ZFYVE28: variants seen among roughly 807,000 people sequenced by gnomAD.
The protein encoded by ZFYVE28 is lateral signaling target protein 2 homolog.
Under a neutral mutation model 82.1 loss-of-function variants are expected in ZFYVE28, and 40 were observed. The observed-to-expected ratio is 0.49, with a 90% CI of 0.38 to 0.63. The LOEUF is 0.63. Ranked by LOEUF, ZFYVE28 falls within the 30% of genes least tolerant of loss-of-function variation. The pLI, the probability that ZFYVE28 is intolerant of heterozygous loss-of-function variation, is 0.00. For synonymous variants in ZFYVE28, 612 were observed against 546.1 expected (o/e 1.12, Z -1.68); for missense variants, 1,321 against 1,242.1 (o/e 1.06, Z -0.96).
At chr4:2,271,258 C>A (rs1455912098) in intron 12 of ZFYVE28, 53 bp downstream of exon 12, 9 of 1,558,090 alleles carry the variant, frequency 5.8e-6, no homozygotes, top group Non-Finnish European at 7.0e-6. Context: ...CAGGCTCTGT[C>A]CGTGGACGCC....
intron 1 of ZFYVE28, among the ~76,000 whole-genome samples, chr4:2,392,776 G>A (rs1274250517): frequency 6.6e-6 from 1 of 152,096 alleles, no homozygotes; most frequent in Admixed American, 6.5e-5. Context: ...TCATTCTTCT[G>A]TCAAACTCCC....
At chr4:2,304,146 A>T (rs878906014) in intron 8 of ZFYVE28, 143 bp downstream of exon 8, 1 of 1,077,770 alleles carries the variant, frequency 9.3e-7, no homozygotes, top group South Asian at 1.8e-5. Flanking sequence ...TCACACACAG[A>T]CCCCACACTC....
At chr4:2,301,124 C>G (rs1315532883) in intron 8 of ZFYVE28, among the ~76,000 whole-genome samples, 2 of 147,122 alleles carry the variant, frequency 1.4e-5, no homozygotes, top group African/African-American at 2.6e-5. Context: ...TTTAAAAACC[C>G]CCACTGCGCT....
intron 1 of ZFYVE28, among the ~76,000 whole-genome samples, chr4:2,376,108 C>T (rs896162184): frequency 4.5e-4 from 68 of 151,810 alleles, no homozygotes; most frequent in Middle Eastern, 6.8e-3. Flanking sequence ...CTCTTGACTT[C>T]GTGATCCGCC....
At position 2,341,876 on chromosome 4, in the gene ZFYVE28, C is replaced by G. The variant is rs371368497; in HGVS notation, c.181-261G>C. The stretch of plus-strand genomic sequence containing the variant: ...CTCTACTAAAAATACAAAAATTAGC[C>G]GGGCGTGGTAGCGCACACCTGTAAT... On this transcript the variant is annotated intron_variant, in intron 2 of 12. Transcript: ENST00000290974. This position sits in a 1 kb window ranked among gnomAD's most constrained non-coding sequence, Gnocchi z 4.5. Among the ~76,000 whole-genome samples, 2 of 152,218 alleles carry G rather than the reference C, an allele frequency of 1.3e-5. No homozygotes were observed. Among genetic ancestry groups the G allele is most frequent in the Non-Finnish European group, 2.9e-5 (2 of 68,006 alleles).
At chr4:2,298,397 G>A (rs182825724) in intron 8 of ZFYVE28, among the ~76,000 whole-genome samples, 19 of 152,314 alleles carry the variant, frequency 1.2e-4, no homozygotes, top group Non-Finnish European at 8.8e-5. Flanking sequence ...CGGTTCACCA[G>A]GCACTGCCTT....
intron 8 of ZFYVE28, 125 bp from the exon 9 acceptor site, chr4:2,274,341 G>T: frequency 8.0e-7 from 1 of 1,254,206 alleles, no homozygotes; most frequent in Non-Finnish European, 1.1e-6. Context: ...GCGTGTATCT[G>T]TTGCCCAGAT....
Position 2,332,651 on chromosome 4 carries a change from G to A in ZFYVE28, c.701+3054C>T, listed in dbSNP as rs950393872. 3.9e-5 allele frequency among the ~76,000 whole-genome samples: 6 copies of A among 152,316 alleles called. No individual in the cohort carries two copies. The East Asian group carries it at 1.2e-3, about 29-fold the overall frequency. ...GGAGCAGGTTCTGGGCCCCACCACG[G>A]GCAGCTGTGGCCTCTGCCTGTCCGG... On this transcript the variant is annotated intron_variant, in intron 6 of 12. Coordinates refer to ENST00000290974, the MANE Select transcript of ZFYVE28 (RefSeq NM_020972.3). This position sits in a 1 kb window ranked among gnomAD's most constrained non-coding sequence, Gnocchi z 4.7.
At chr4:2,407,408 C>T (rs1732039660) in intron 1 of ZFYVE28, among the ~76,000 whole-genome samples, 1 of 151,928 alleles carries the variant, frequency 6.6e-6, no homozygotes, top group Admixed American at 6.6e-5. Context: ...CAGCCTGTCC[C>T]CTTAGGCCCC....
chr4:2,347,214 C>T (rs1723727404), intron 2 of ZFYVE28, among the ~76,000 whole-genome samples: 2 of 152,108 alleles, frequency 1.3e-5, no homozygotes, highest in African/African-American at 2.4e-5. Context: ...ATAAAGGGTT[C>T]AATTTATTAG....
rs191073208 is a variant in ZFYVE28, at chr4:2,393,572, A to T, written c.39+24713T>A. Reference sequence around the variant, plus strand: ...GCCTGGCTCTCACGGCCCCTTCCAAAAGCTAGGTGGCAGCCACATGTAGCC... The same window carrying T: ...GCCTGGCTCTCACGGCCCCTTCCAATAGCTAGGTGGCAGCCACATGTAGCC... On this transcript the variant is annotated intron_variant, in intron 1 of 12. Coordinates refer to ENST00000290974, the MANE Select transcript of ZFYVE28 (RefSeq NM_020972.3). 2.2e-3 allele frequency among the ~76,000 whole-genome samples: 340 copies of T among 152,260 alleles called. 2 individuals carry two copies. Among genetic ancestry groups the T allele is most frequent in the Admixed American group, 4.8e-3 (73 of 15,302 alleles).
intron 8 of ZFYVE28, among the ~76,000 whole-genome samples, chr4:2,291,819 G>A (rs1003924203): frequency 3.3e-5 from 5 of 152,308 alleles, no homozygotes; most frequent in Middle Eastern, 3.4e-3. Context: ...GGGCCCCAGC[G>A]TCTGTGCCCT....
In ZFYVE28 at chr4:2,304,849, G is replaced by A. The variant is rs146596546; in HGVS notation, c.1491C>T (p.Asp497=). 320 of 1,612,652 alleles carry A rather than the reference G, an allele frequency of 2.0e-4. 1 individual carries two copies. In the East Asian group the frequency reaches 3.1e-3, roughly 16 times the overall value. Residue 497 remains aspartate (D), a synonymous_variant, in exon 8 of 13, where the codon GAC becomes GAT. Coordinates refer to ENST00000290974, the MANE Select transcript of ZFYVE28 (RefSeq NM_020972.3). ...HLDGWEVGAD[D]AETAEMIAHR... is the part of the protein sequence containing the mutation. The stretch of plus-strand genomic sequence containing the variant: ...GGGCGATCATCTCAGCCGTCTCTGC[G>A]TCATCCGCACCCACCTCCCAGCCGT...
chr4:2,357,465 GC>G (rs1234969896), intron 1 of ZFYVE28, among the ~76,000 whole-genome samples: 1 of 152,226 alleles, frequency 6.6e-6, no homozygotes, highest in Non-Finnish European at 1.5e-5. Context: ...CCCAAGGCCT[GC>G]ATGAGACCCG....
chr4:2,395,533 C>G (rs1437381124), intron 1 of ZFYVE28, among the ~76,000 whole-genome samples: 1 of 152,142 alleles, frequency 6.6e-6, no homozygotes, highest in East Asian at 1.9e-4. Context: ...CTGCTCAGCA[C>G]AGCCTGGCTG....
At chr4:2,410,449 CCTTT>C (rs1468126687) in intron 1 of ZFYVE28, among the ~76,000 whole-genome samples, 3 of 103,858 alleles carry the variant, frequency 2.9e-5, no homozygotes, top group South Asian at 3.3e-4. Context: ...GAACATCCTC[CCTTT>C]CTTTTTTTTT....
chr4:2,297,776 ACGG>A (rs1293253513), intron 8 of ZFYVE28, among the ~76,000 whole-genome samples: 2 of 151,170 alleles, frequency 1.3e-5, no homozygotes, highest in Non-Finnish European at 3.0e-5. Flanking sequence ...ACACAGTGAC[ACGG>A]CGGGCTGTGC....
chr4:2,382,027 C>A (rs986908581), intron 1 of ZFYVE28, among the ~76,000 whole-genome samples: 8 of 152,204 alleles, frequency 5.3e-5, no homozygotes, highest in African/African-American at 1.9e-4. Context: ...GGGTGCAAGC[C>A]CCAAGCCTTG....
At position 2,396,631 on chromosome 4, in the gene ZFYVE28, G is replaced by A. The variant is rs1467202490; in HGVS notation, c.39+21654C>T. Among the ~76,000 whole-genome samples, 4 of 18,262 alleles carry A rather than the reference G, an allele frequency of 2.2e-4. 1 individual carries two copies. Among genetic ancestry groups the A allele is most frequent in the South Asian group, 2.5e-3 (2 of 812 alleles). The allele number at this position is 18,262 out of a possible 152,430, so 12.0% of individuals were successfully genotyped here. A position where few individuals can be genotyped will look rare whatever the true frequency, so the allele number is the denominator to read the frequency against. On this transcript the variant is annotated intron_variant, in intron 1 of 12. Coordinates refer to ENST00000290974, the MANE Select transcript of ZFYVE28 (RefSeq NM_020972.3). ...CCATCCTGCAGAGGGGACACAAGGCGGGGGTGTCTGAGCTGATGGGACCAG... is the reference window on the plus strand; with the variant it reads ...CCATCCTGCAGAGGGGACACAAGGCAGGGGTGTCTGAGCTGATGGGACCAG...
Sources: allele counts gnomAD v4.1 joint callset (sites outside exome capture counted in the v4.1 genomes callset), GRCh38; gene constraint gnomAD v4.1.1; non-coding constraint Gnocchi (gnomAD v3.1); transcripts MANE v1.5; gene names NCBI Gene and HGNC (gene_info 2026-07-23, HGNC 2026-07-21).